DENND1A: variants seen among roughly 807,000 people sequenced by gnomAD.
DENND1A encodes DENN domain-containing protein 1A.
DENND1A carries 51 observed loss-of-function variants against 113.7 expected under a neutral mutation model. The ratio of observed to expected loss-of-function variants is 0.45; its 90% CI spans 0.36 to 0.57. The LOEUF is 0.57. Among genes scored for constraint, DENND1A ranks in the 20% least tolerant of loss-of-function variants. The pLI is 0.00. For synonymous variants in DENND1A, 565 were observed against 570.8 expected, an observed-to-expected ratio of 0.99 and a Z score of 0.14; for missense variants, 1,258 against 1,395.9, an observed-to-expected ratio of 0.90 and a Z score of 1.57.
chr9:123,897,676 C>T (rs1850979484), intron 1 of DENND1A, among the ~76,000 whole-genome samples: 2 of 152,118 alleles, frequency 1.3e-5, no homozygotes, highest in Non-Finnish European at 2.9e-5. Context: ...ACCAGCAATG[C>T]ATAAAGGTCT....
Position 123,630,379 on chromosome 9 carries a change from C to G in DENND1A, c.716G>C (p.Cys239Ser). The G allele has an allele frequency of 6.3e-7, 1 of 1,592,234 alleles. No homozygotes were observed. Among genetic ancestry groups the G allele is most frequent in the Non-Finnish European group, 8.6e-7 (1 of 1,166,436 alleles). The stretch of plus-strand genomic sequence containing the variant: ...AGGACAGGGCCAGCCACCTTACCAG[C>G]AGTAGTCCAGCAGATGCGGCGGCAG... ...PVLPPHLLDY[C>S]CAPMPYLIGI... The change falls in exon 10 of 24, where the codon TGC (cysteine) becomes TCC (serine). Residue 239 changes from cysteine (C) to serine (S), a missense_variant. Physicochemically the swap from Cys to Ser is moderately radical, Grantham distance 112 (BLOSUM62 -1). This residue lies in a region of DENND1A where 1,159 missense variants were observed against 1,231.7 expected (regional missense o/e 0.94). Coordinates refer to ENST00000394215, the MANE Select transcript of DENND1A (RefSeq NM_001352964.2).
intron 6 of DENND1A, among the ~76,000 whole-genome samples, chr9:123,672,056 T>A (rs1010808656): frequency 1.3e-5 from 2 of 152,236 alleles, no homozygotes; most frequent in African/African-American, 4.8e-5. Context: ...TATATTTGTA[T>A]CTATTCACCC....
chr9:123,873,175 G>C (rs945088287), intron 2 of DENND1A, among the ~76,000 whole-genome samples: 1 of 152,144 alleles, frequency 6.6e-6, no homozygotes, highest in Non-Finnish European at 1.5e-5. Flanking sequence ...ACCGACAAAG[G>C]TACCTGAAAT....
chr9:123,685,523 C>T (rs949679946), intron 5 of DENND1A, among the ~76,000 whole-genome samples: 1 of 152,194 alleles, frequency 6.6e-6, no homozygotes, highest in African/African-American at 2.4e-5. Context: ...TCTACCCAAA[C>T]ATACACTTGG....
intron 9 of DENND1A, among the ~76,000 whole-genome samples, chr9:123,634,299 G>A (rs773857271): frequency 2.6e-5 from 4 of 152,104 alleles, no homozygotes; most frequent in South Asian, 2.1e-4. Flanking sequence ...TTCTGCAATC[G>A]GGGTAAAATG....
intron 1 of DENND1A, among the ~76,000 whole-genome samples, chr9:123,890,051 TA>T (rs921191661): frequency 2.0e-5 from 3 of 152,232 alleles, no homozygotes; most frequent in Non-Finnish European, 1.5e-5. Context: ...TGAACATCTG[TA>T]AAATACTTTA....
chr9:123,498,779 G>C (rs985677662), intron 13 of DENND1A, among the ~76,000 whole-genome samples: 1 of 151,786 alleles, frequency 6.6e-6, no homozygotes, highest in African/African-American at 2.4e-5. Flanking sequence ...CTGGAGTACA[G>C]TGGCGTGATC....
intron 2 of DENND1A, among the ~76,000 whole-genome samples, chr9:123,827,544 A>T (rs542138284): frequency 6.6e-6 from 1 of 152,192 alleles, no homozygotes; most frequent in African/African-American, 2.4e-5. Context: ...ATGTACACAC[A>T]GACACAAAAT....
At chr9:123,857,975 C>T (rs545543563) in intron 2 of DENND1A, among the ~76,000 whole-genome samples, 1 of 150,586 alleles carries the variant, frequency 6.6e-6, no homozygotes, top group Non-Finnish European at 1.5e-5. Flanking sequence ...AGGAGAATGG[C>T]GTGAACCCGG....
intron 19 of DENND1A, among the ~76,000 whole-genome samples, chr9:123,437,366 C>T (rs2046599497): frequency 6.6e-6 from 1 of 152,234 alleles, no homozygotes; most frequent in South Asian, 2.1e-4. Flanking sequence ...CCCCTCTTGC[C>T]AGCCCCCGCT....
intron 13 of DENND1A, among the ~76,000 whole-genome samples, chr9:123,520,968 T>A (rs1330987120): frequency 6.6e-6 from 1 of 152,240 alleles, no homozygotes; most frequent in Non-Finnish European, 1.5e-5. Context: ...CTCACCTTTT[T>A]ACTGTACAAA....
intron 21 of DENND1A, among the ~76,000 whole-genome samples, chr9:123,395,290 G>A (rs2043055932): frequency 6.6e-6 from 1 of 152,128 alleles, no homozygotes; most frequent in Admixed American, 6.5e-5. Context: ...CCAGGCAGAA[G>A]AGGCGACAGA....
intron 20 of DENND1A, among the ~76,000 whole-genome samples, chr9:123,408,732 G>A (rs2044079383): frequency 6.6e-6 from 1 of 152,230 alleles, no homozygotes; most frequent in Non-Finnish European, 1.5e-5. Context: ...GCTACTCCGT[G>A]TCTCTCACAG....
chr9:123,856,927 G>A (rs1225883935), intron 2 of DENND1A, among the ~76,000 whole-genome samples: 1 of 152,066 alleles, frequency 6.6e-6, no homozygotes, highest in East Asian at 1.9e-4. Context: ...TTACAAATAT[G>A]GAAAGGGAGA....
rs541092506 is a variant in DENND1A at position 123,656,882 on chromosome 9, A to G, written c.508-4759T>C. 7.9e-5 allele frequency among the ~76,000 whole-genome samples: 12 copies of G among 152,354 alleles called. 1 individual carries two copies. The East Asian group carries it at 2.3e-3, about 29-fold the overall frequency. On this transcript the variant is annotated intron_variant, in intron 8 of 23. Transcript: ENST00000394215. ...AAAAGGTCTCGGTTTTCTTAGTGCC[A>G]GTAAGTTTTTAGGCTTGAGGATATT...
intron 12 of DENND1A, among the ~76,000 whole-genome samples, chr9:123,582,792 C>A (rs968884762): frequency 6.6e-6 from 1 of 151,854 alleles, no homozygotes; most frequent in African/African-American, 2.4e-5. Context: ...CTCCACCTCC[C>A]GGGTTCAAGT....
intron 2 of DENND1A, among the ~76,000 whole-genome samples, chr9:123,856,404 T>C (rs936387368): frequency 2.6e-5 from 4 of 151,860 alleles, no homozygotes; most frequent in Non-Finnish European, 1.5e-5. Context: ...GAGAGTGAAC[T>C]AGTGTGGGGA....
chr9:123,542,196 A>G (rs573547649), intron 13 of DENND1A, among the ~76,000 whole-genome samples: 1 of 152,288 alleles, frequency 6.6e-6, no homozygotes, highest in African/African-American at 2.4e-5. Context: ...AGTTTTAAAT[A>G]CCTCATTCTT....
chr9:123,484,010 T>A (rs1375373361), intron 13 of DENND1A, among the ~76,000 whole-genome samples: 1 of 152,184 alleles, frequency 6.6e-6, no homozygotes, highest in Non-Finnish European at 1.5e-5. Context: ...ATACATGCTA[T>A]TAAATATTAC....
Sources: allele counts gnomAD v4.1 joint callset (sites outside exome capture counted in the v4.1 genomes callset), GRCh38; gene constraint gnomAD v4.1.1; regional missense constraint gnomAD v4.1.1; transcripts MANE v1.5; gene names NCBI Gene and HGNC (gene_info 2026-07-23, HGNC 2026-07-21).